Variants in CNDP2 observed in about 807,000 individuals in gnomAD.
CNDP2 encodes the protein cytosolic non-specific dipeptidase.
CNDP2 carries 38 observed loss-of-function variants against 55.0 expected under a neutral mutation model. The ratio of observed to expected loss-of-function variants is 0.69; its 90% CI spans 0.53 to 0.90. The LOEUF (loss-of-function observed/expected upper bound fraction) is 0.90, where lower values mean the gene tolerates loss of function less well. Among genes scored for constraint, CNDP2 ranks in the 40% least tolerant of loss-of-function variants. CNDP2 has a pLI of 0.00. For missense variants in CNDP2, 607 were observed against 621.7 expected (o/e 0.98, Z 0.25); for synonymous variants, 241 against 260.2 (o/e 0.93, Z 0.71).
chr18:74,501,038 C>A, intron 2 of CNDP2: 1 of 484,350 alleles, frequency 2.1e-6, no homozygotes, highest in Non-Finnish European at 2.8e-6. Context: ...GGTTTTGGGC[C>A]TGGCGCCGGG....
Position 74,518,543 on chromosome 18 carries a change from C to T in CNDP2, c.1113C>T (p.Pro371=), listed in dbSNP as rs1343550355. The change falls in exon 10 of 12, where the codon CCC becomes CCT. Residue 371 remains proline (P), a synonymous_variant. Coordinates refer to ENST00000324262, the MANE Select transcript of CNDP2 (RefSeq NM_018235.3). The stretch of plus-strand genomic sequence containing the variant: ...AGAAGTTTGCTGAACTACGCAGCCC[C>T]AATGAGTTCAAGGTGTACATGGGCC... ...LTKKFAELRS[P]NEFKVYMGHG... is the part of the protein sequence containing the mutation. 1.2e-6 allele frequency: 2 copies of T among 1,614,196 alleles called. No homozygotes were observed. Among genetic ancestry groups the T allele is most frequent in the Admixed American group, 1.7e-5 (1 of 60,026 alleles).
chr18:74,501,466 A>G lies in CNDP2; in HGVS notation c.198A>G (p.Lys66=), dbSNP rs1342220099. 3 of 1,613,446 alleles carry G rather than the reference A, an allele frequency of 1.9e-6. No homozygotes were observed. The South Asian group carries it at 3.3e-5, about 18-fold the overall frequency. The change falls in exon 3 of 12, where the codon AAA becomes AAG. Residue 66 remains lysine (K), a synonymous_variant. Transcript: ENST00000324262. ...GGSVELVDIG[K]QKLPDGSEIP... is the part of the protein sequence containing the mutation. ...CTGTGGAACTGGTGGATATCGGAAA[A>G]CAAAAGGTAGGAGGCAACATTCTTT... is the stretch of plus-strand genomic sequence containing the variant.
In CNDP2 at chr18:74,519,000, C is replaced by T. The variant is rs1490169787; in HGVS notation, c.1262C>T (p.Thr421Ile). Residue 421 changes from threonine (T) to isoleucine (I), a missense_variant, in exon 11 of 12, where the codon ACC becomes ATC. Thr to Ile is a moderately conservative substitution (Grantham distance 89). Coordinates refer to ENST00000324262, the MANE Select transcript of CNDP2 (RefSeq NM_018235.3). ...LTREGGSIPV[T>I]LTFQEATGKN... ...AGGGAAGGCGGCAGTATTCCCGTGA[C>T]CTTGACCTTTCAGGAGGCCACGGGC... The T allele has an allele frequency of 6.2e-7, 1 of 1,614,072 alleles. No homozygotes were observed. The highest frequency in any genetic ancestry group is 1.3e-5 in the African/African-American group (1 of 74,912).
intron 5 of CNDP2, chr18:74,509,280 C>T (rs1979209549): frequency 8.5e-6 from 2 of 235,350 alleles, no homozygotes; most frequent in South Asian, 1.2e-4. Flanking sequence ...ACAGGCCCCT[C>T]ACTGTCTCTG....
intron 1 of CNDP2, among the ~76,000 whole-genome samples, chr18:74,498,884 T>G (rs978746289): frequency 6.6e-6 from 1 of 152,212 alleles, no homozygotes; most frequent in East Asian, 1.9e-4. Context: ...CCCACCCACA[T>G]AGAAATCACA....
At position 74,518,748 on chromosome 18, in the gene CNDP2, G is replaced by T. The variant is rs940979963; in HGVS notation, c.1210+108G>T. Reference sequence around the variant, plus strand: ...GCTATGTCGGGGGCGCTGCTGTATCGTGGGGGCGTGTAGTTAAGTCAGCAT... The same window carrying T: ...GCTATGTCGGGGGCGCTGCTGTATCTTGGGGGCGTGTAGTTAAGTCAGCAT... On this transcript the variant is annotated intron_variant, in intron 10 of 11. Coordinates refer to ENST00000324262, the MANE Select transcript of CNDP2 (RefSeq NM_018235.3). 5.4e-6 allele frequency: 8 copies of T among 1,489,430 alleles called. No individual in the cohort carries two copies. In the African/African-American group the frequency reaches 8.3e-5, roughly 15 times the overall value. 92.3% of individuals were successfully genotyped at this position (1,489,430 alleles called of 1,614,324 possible).
chr18:74,504,311 AATG>A (rs1978888811), intron 3 of CNDP2, among the ~76,000 whole-genome samples: 1 of 150,344 alleles, frequency 6.7e-6, no homozygotes, highest in Non-Finnish European at 1.5e-5. Context: ...CACTGGGACA[AATG>A]AGGGGCGTCA....
At chr18:74,506,291 C>A (rs919987080) in intron 4 of CNDP2, among the ~76,000 whole-genome samples, 1 of 152,122 alleles carries the variant, frequency 6.6e-6, no homozygotes, top group Non-Finnish European at 1.5e-5. Context: ...CCCATCACCA[C>A]GCCTGGCTAG....
chr18:74,501,075 G>GT (rs752540335), intron 2 of CNDP2: 9,743 of 768,866 alleles, frequency 0.013, no homozygotes, highest in Middle Eastern at 0.015. Context: ...TCACTTCCTT[G>GT]TTTTTTTTTT....
intron 3 of CNDP2, among the ~76,000 whole-genome samples, chr18:74,505,531 A>AAGCCTGG (rs1213755693): frequency 6.6e-6 from 1 of 151,856 alleles, no homozygotes; most frequent in Non-Finnish European, 1.5e-5. Flanking sequence ...CCTGGGAGGC[A>AAGCCTGG]GAGGTTGCAA....
chr18:74,510,480 C>T (rs142954962), intron 5 of CNDP2, among the ~76,000 whole-genome samples: 1 of 152,306 alleles, frequency 6.6e-6, no homozygotes, highest in Non-Finnish European at 1.5e-5. Flanking sequence ...CTCCTCGTGT[C>T]GGTGGCTCCG....
chr18:74,498,657 G>A (rs1037860607), intron 1 of CNDP2, among the ~76,000 whole-genome samples: 4 of 152,142 alleles, frequency 2.6e-5, no homozygotes, highest in East Asian at 1.9e-4. Context: ...GCTTCCCTGC[G>A]TACATTTTTG....
In CNDP2 at chr18:74,510,818, T is replaced by A; in HGVS notation, c.462T>A (p.Ile154=). 1.2e-6 allele frequency: 2 copies of A among 1,613,344 alleles called. No individual in the cohort carries two copies. Among genetic ancestry groups the A allele is most frequent in the Non-Finnish European group, 1.7e-6 (2 of 1,179,644 alleles). The change falls in exon 6 of 12, where the codon ATT becomes ATA. Residue 154 remains isoleucine (I), a synonymous_variant. Transcript: ENST00000324262. The stretch of plus-strand genomic sequence containing the variant: ...GTGCTGTTCCCTTCTCACAGGAGAT[T>A]CCTGTCAACGTCCGATTCTGCCTCG... ...LEAYQKTGQE[I]PVNVRFCLEG... is the part of the protein sequence containing the mutation.
chr18:74,516,719 G>T (rs1458477691), intron 9 of CNDP2: 3 of 223,980 alleles, frequency 1.3e-5, no homozygotes, highest in Non-Finnish European at 8.8e-6. Context: ...GTGCCTTGTG[G>T]AGGGGACTCT....
chr18:74,502,129 G>A (rs1599059996), intron 3 of CNDP2, among the ~76,000 whole-genome samples: 2 of 152,056 alleles, frequency 1.3e-5, no homozygotes, highest in East Asian at 1.9e-4. Context: ...CAGGTGATCC[G>A]CCTGCCTCAG....
chr18:74,507,208 C>T (rs1485516897), intron 4 of CNDP2: 1 of 152,326 alleles, frequency 6.6e-6, no homozygotes, highest in Non-Finnish European at 1.5e-5. Context: ...GCCGTGCCCT[C>T]ACTCCTGGAA....
rs1980113152 is a variant in CNDP2 at position 74,522,556 on chromosome 18, C to T, written c.*2488C>T. 6.6e-6 allele frequency: 1 copy of T among 152,298 alleles called. No homozygotes were observed. The highest frequency in any genetic ancestry group is 2.4e-5 in the African/African-American group (1 of 41,462). 9.4% of individuals were successfully genotyped at this position (152,298 alleles called of 1,614,324 possible). A position where few individuals can be genotyped will look rare whatever the true frequency, so the allele number is the denominator to read the frequency against. ...AAGAGCTGGTCAGGCCATGAGGGCC[C>T]TGTCCTCCTGACTGAGTGAATGCTG... On this transcript the variant is annotated 3_prime_UTR_variant, in exon 12 of 12. Coordinates refer to ENST00000324262, the MANE Select transcript of CNDP2 (RefSeq NM_018235.3).
At chr18:74,508,413 T>G in intron 4 of CNDP2, 4 of 162,228 alleles carry the variant, frequency 2.5e-5, no homozygotes, top group Non-Finnish European at 5.4e-5. Flanking sequence ...GGGGGTGAGA[T>G]TATGGTTCTT....
In CNDP2 at chr18:74,520,344, G is replaced by A; in HGVS notation, c.*276G>A. On this transcript the variant is annotated 3_prime_UTR_variant, in exon 12 of 12. Coordinates refer to ENST00000324262, the MANE Select transcript of CNDP2 (RefSeq NM_018235.3). ...TGCAGAAGATACCCAAGGTCCAAAAGCACAAGGTCTGCGGAAAGTTCTGGT... is the reference window on the plus strand; with the variant it reads ...TGCAGAAGATACCCAAGGTCCAAAAACACAAGGTCTGCGGAAAGTTCTGGT... 4.8e-6 allele frequency: 2 copies of A among 412,782 alleles called. No homozygotes were observed. The highest frequency in any genetic ancestry group is 2.7e-5 in the South Asian group (1 of 37,588). 25.6% of individuals were successfully genotyped at this position (412,782 alleles called of 1,614,324 possible).
Sources: allele counts gnomAD v4.1 joint callset (sites outside exome capture counted in the v4.1 genomes callset), GRCh38; gene constraint gnomAD v4.1.1; transcripts MANE v1.5; gene names NCBI Gene and HGNC (gene_info 2026-07-23, HGNC 2026-07-21).